TSC22D1: variants seen among roughly 807,000 people sequenced by gnomAD.
TSC22D1 encodes the protein TSC22 domain family member 1.
Under a neutral mutation model 74.2 loss-of-function variants are expected in TSC22D1, and 9 were observed. The ratio of observed to expected loss-of-function variants is 0.12; its 90% CI spans 0.07 to 0.21. The LOEUF (loss-of-function observed/expected upper bound fraction) is 0.21, where lower values mean the gene tolerates loss of function less well. Among genes scored for constraint, TSC22D1 ranks in the 10% least tolerant of loss-of-function variants. TSC22D1 has a pLI of 1.00. For synonymous variants in TSC22D1, 586 were observed against 492.5 expected, an observed-to-expected ratio of 1.19 and a Z score of -2.51; for missense variants, 1,427 against 1,304.7, an observed-to-expected ratio of 1.09 and a Z score of -1.44.
intron 1 of TSC22D1, chr13:44,452,458 AATC>A (rs1341540362): frequency 6.6e-6 from 1 of 152,206 alleles, no homozygotes; most frequent in Non-Finnish European, 1.5e-5. Context: ...GGGTGAGGGC[AATC>A]ATATTTGCCA....
intron 1 of TSC22D1, among the ~76,000 whole-genome samples, chr13:44,521,621 G>A (rs898406508): frequency 2.0e-5 from 3 of 150,238 alleles, no homozygotes; most frequent in Non-Finnish European, 4.4e-5. Flanking sequence ...ATCACTCCTC[G>A]CCATGTCTGG....
At chr13:44,494,545 G>A (rs181609272) in intron 1 of TSC22D1, among the ~76,000 whole-genome samples, 5 of 151,538 alleles carry the variant, frequency 3.3e-5, no homozygotes, top group South Asian at 4.2e-4. Context: ...GCAACACAGC[G>A]AGACCCCATC....
At chr13:44,556,945 A>G (rs887881771) in intron 1 of TSC22D1, among the ~76,000 whole-genome samples, 2 of 148,770 alleles carry the variant, frequency 1.3e-5, no homozygotes, top group Non-Finnish European at 3.0e-5. Flanking sequence ...GGAGTTCGAG[A>G]CCAGCTTGAC....
chr13:44,558,736 TCTCAAAAA>T (rs1882851287), intron 1 of TSC22D1, among the ~76,000 whole-genome samples: 2 of 152,080 alleles, frequency 1.3e-5, no homozygotes, highest in African/African-American at 2.4e-5. Flanking sequence ...CAAGACTCCA[TCTCAAAAA>T]AATAAAATAA....
chr13:44,559,693 C>CTTT (rs36114777), intron 1 of TSC22D1, among the ~76,000 whole-genome samples: 2 of 140,210 alleles, frequency 1.4e-5, no homozygotes, highest in Non-Finnish European at 1.5e-5. Flanking sequence ...CCAAAAATTT[C>CTTT]TTTTTTTTTT....
rs183682638 is a variant in TSC22D1, at chr13:44,518,727, T to A, written c.2912+54436A>T. On this transcript the variant is annotated intron_variant, in intron 1 of 2. Coordinates refer to ENST00000458659, the MANE Select transcript of TSC22D1 (RefSeq NM_183422.4). ...AAAAGGAAAGACATTGCGCTTTGATTGTATTTAATAGGCAAACTGACACTG... is the reference window on the plus strand; with the variant it reads ...AAAAGGAAAGACATTGCGCTTTGATAGTATTTAATAGGCAAACTGACACTG... Among the ~76,000 whole-genome samples, 10 of 152,286 alleles carry A rather than the reference T, an allele frequency of 6.6e-5. No homozygotes were observed. The East Asian group carries it at 1.4e-3, about 21-fold the overall frequency.
Position 44,537,113 on chromosome 13 carries a change from G to A in TSC22D1, c.2912+36050C>T, listed in dbSNP as rs986964819. ...TATCAGTAAGTGCATTTTTTTCATG[G>A]AGAAAATATTTATTAGATTTCAAAT... On this transcript the variant is annotated intron_variant, in intron 1 of 2. Transcript: ENST00000458659. The A allele has an allele frequency of 3.3e-6, 3 of 914,096 alleles. No homozygotes were observed. In the African/African-American group the frequency reaches 5.4e-5, roughly 16 times the overall value. 56.6% of individuals were successfully genotyped at this position (914,096 alleles called of 1,614,324 possible).
chr13:44,570,598 C>G (rs1379435745), intron 1 of TSC22D1, among the ~76,000 whole-genome samples: 1 of 152,196 alleles, frequency 6.6e-6, no homozygotes, highest in African/African-American at 2.4e-5. Context: ...ACTGAAGGCA[C>G]TTTCCACATG....
chr13:44,565,218 T>C (rs750224607), intron 1 of TSC22D1, among the ~76,000 whole-genome samples: 1 of 151,942 alleles, frequency 6.6e-6, no homozygotes, highest in African/African-American at 2.4e-5. Context: ...AGGGAAAAGG[T>C]AGTAAGTATA....
chr13:44,452,445 C>T (rs1460020428), intron 1 of TSC22D1, among the ~76,000 whole-genome samples: 1 of 152,178 alleles, frequency 6.6e-6, no homozygotes, highest in African/African-American at 2.4e-5. Context: ...ACAGTGGGCA[C>T]GAGGGTGAGG....
chr13:44,517,774 T>TATATAA (rs1555269353), intron 1 of TSC22D1, among the ~76,000 whole-genome samples: 1 of 120,168 alleles, frequency 8.3e-6, no homozygotes, highest in African/African-American at 3.1e-5. Flanking sequence ...TATATATATA[T>TATATAA]ATACACATAT....
rs951062254 is a variant in TSC22D1, at chr13:44,548,924, ATAATG to A, written c.2912+24234_2912+24238del. On this transcript the variant is annotated intron_variant, in intron 1 of 2. Coordinates refer to ENST00000458659, the MANE Select transcript of TSC22D1 (RefSeq NM_183422.4). ...ATTTAATAAGTTTTATTATCCTAACATAATGTAAACATTATAGCAACAGTTTAAGT... is the reference window on the plus strand; with the variant it reads ...ATTTAATAAGTTTTATTATCCTAACATAAACATTATAGCAACAGTTTAAGT... 5.8e-4 allele frequency among the ~76,000 whole-genome samples: 89 copies of A among 152,310 alleles called. 1 individual carries two copies. Among genetic ancestry groups the A allele is most frequent in the Non-Finnish European group, 2.8e-4 (19 of 67,996 alleles).
At chr13:44,524,842 C>A (rs981793700) in intron 1 of TSC22D1, among the ~76,000 whole-genome samples, 1 of 152,086 alleles carries the variant, frequency 6.6e-6, no homozygotes, top group Non-Finnish European at 1.5e-5. Flanking sequence ...CCAGCTACTT[C>A]CATGATTTTT....
intron 1 of TSC22D1, among the ~76,000 whole-genome samples, chr13:44,544,621 T>C (rs911535129): frequency 1.3e-5 from 2 of 150,766 alleles, no homozygotes; most frequent in Admixed American, 6.6e-5. Context: ...TGCTTAATCA[T>C]GGACAGTAAT....
intron 1 of TSC22D1, among the ~76,000 whole-genome samples, chr13:44,479,497 G>T (rs749409886): frequency 2.6e-5 from 4 of 152,050 alleles, no homozygotes; most frequent in Non-Finnish European, 5.9e-5. Flanking sequence ...AATATACTGT[G>T]CTTTTAAGAT....
At chr13:44,549,315 TA>T (rs905969414) in intron 1 of TSC22D1, among the ~76,000 whole-genome samples, 2 of 152,174 alleles carry the variant, frequency 1.3e-5, no homozygotes, top group African/African-American at 4.8e-5. Flanking sequence ...GTAGGTTTTG[TA>T]AAAGACAGAA....
intron 1 of TSC22D1, among the ~76,000 whole-genome samples, chr13:44,501,436 T>C (rs970041769): frequency 6.6e-6 from 1 of 152,268 alleles, no homozygotes; most frequent in South Asian, 2.1e-4. Flanking sequence ...AATAAGGTAG[T>C]ATACTAATTA....
chr13:44,574,205 GTGGTGGTGCCCC>G lies in TSC22D1; in HGVS notation c.1858_1869del (p.Gly620_Pro623del). ...TGTTGTCCATACTGTAACTGTTGGG[GTGGTGGTGCCCC>G]TGGAAGGGGAGTTTGCACTGGAGGA... On this transcript the variant is annotated inframe_deletion, in exon 1 of 3. Transcript: ENST00000458659. 6.2e-7 allele frequency: 1 copy of G among 1,614,280 alleles called. No individual in the cohort carries two copies. Among genetic ancestry groups the G allele is most frequent in the African/African-American group, 1.3e-5 (1 of 75,082 alleles).
upstream of TSC22D1, among the ~76,000 whole-genome samples, chr13:44,577,333 G>C (rs1020431656): frequency 6.6e-6 from 1 of 152,210 alleles, no homozygotes; most frequent in East Asian, 1.9e-4. Context: ...CATCGGGAGG[G>C]GAGGGACCAG....
Sources: allele counts gnomAD v4.1 joint callset (sites outside exome capture counted in the v4.1 genomes callset), GRCh38; gene constraint gnomAD v4.1.1; transcripts MANE v1.5; gene names NCBI Gene and HGNC (gene_info 2026-07-23, HGNC 2026-07-21).